The following TMTC2 variants were observed in gnomAD, a reference collection of about 807,000 sequenced individuals.
TMTC2 encodes the protein protein O-mannosyl-transferase TMTC2.
A neutral mutation model predicts 82.4 loss-of-function variants in TMTC2; 43 were observed. The observed-to-expected ratio is 0.52, with a 90% CI of 0.41 to 0.67. The LOEUF (loss-of-function observed/expected upper bound fraction) is 0.67. Ranked by LOEUF, TMTC2 falls within the 30% of genes least tolerant of loss-of-function variation. The pLI is 0.00. For missense variants in TMTC2, 919 were observed against 1,012.4 expected, an observed-to-expected ratio of 0.91 and a Z score of 1.25; for synonymous variants, 408 against 381.9, an observed-to-expected ratio of 1.07 and a Z score of -0.80.
intron 1 of TMTC2, among the ~76,000 whole-genome samples, chr12:82,704,661 AT>A (rs1032711026): frequency 2.0e-5 from 3 of 150,306 alleles, no homozygotes; most frequent in East Asian, 2.0e-4. Flanking sequence ...GTAAAATAGT[AT>A]TTTTTTTTGT....
chr12:83,089,809 T>C (rs1312662312), intron 11 of TMTC2, among the ~76,000 whole-genome samples: 11 of 151,508 alleles, frequency 7.3e-5, no homozygotes, highest in African/African-American at 2.2e-4. Flanking sequence ...GTCATGTACA[T>C]TGGCTTGATA....
chr12:82,978,219 C>A (rs764042955), intron 7 of TMTC2, among the ~76,000 whole-genome samples: 25 of 151,490 alleles, frequency 1.7e-4, no homozygotes, highest in Admixed American at 1.1e-3. Context: ...AAGAATGAGG[C>A]AGGATATTTT....
At chr12:82,690,383 G>A (rs1271519938) in intron 1 of TMTC2, 1 of 985,286 alleles carries the variant, frequency 1.0e-6, no homozygotes, top group African/African-American at 1.7e-5. Context: ...CAAGGGAGAT[G>A]GCTGTTATTC....
chr12:82,912,197 A>C (rs1874708699), intron 3 of TMTC2, among the ~76,000 whole-genome samples: 4 of 152,208 alleles, frequency 2.6e-5, no homozygotes, highest in Non-Finnish European at 5.9e-5. Flanking sequence ...AGACATTTTA[A>C]GTGTAGAAAG....
chr12:82,848,067 G>A (rs1870786880), intron 1 of TMTC2, among the ~76,000 whole-genome samples: 1 of 152,102 alleles, frequency 6.6e-6, no homozygotes, highest in South Asian at 2.1e-4. Flanking sequence ...TTGGGGAGAT[G>A]AAGTTTCAAG....
intron 8 of TMTC2, among the ~76,000 whole-genome samples, chr12:83,004,985 C>G (rs71450916): frequency 6.8e-6 from 1 of 146,202 alleles, no homozygotes; most frequent in Non-Finnish European, 1.5e-5. Context: ...AACACTGTCT[C>G]TACTAAAAAT....
chr12:82,818,999 G>A (rs1868916709), intron 1 of TMTC2, among the ~76,000 whole-genome samples: 1 of 151,910 alleles, frequency 6.6e-6, no homozygotes, highest in South Asian at 2.1e-4. Context: ...TACATTTACA[G>A]TAGGTACAAA....
intron 4 of TMTC2, among the ~76,000 whole-genome samples, chr12:82,954,832 G>T (rs1877530958): frequency 6.6e-6 from 1 of 151,988 alleles, no homozygotes; most frequent in Admixed American, 6.5e-5. Flanking sequence ...CTGACAATTT[G>T]GTCAGATGTA....
Position 82,765,751 on chromosome 12 carries a change from ATAT to A in TMTC2, c.83+78084_83+78086del, listed in dbSNP as rs1354616276. Among the ~76,000 whole-genome samples the A allele has an allele frequency of 2.0e-5, 3 of 152,196 alleles. No homozygotes were observed. In the East Asian group the frequency reaches 5.8e-4, roughly 29 times the overall value. On this transcript the variant is annotated intron_variant, in intron 1 of 11. Coordinates refer to ENST00000321196, the MANE Select transcript of TMTC2 (RefSeq NM_152588.3). ...AAGAAAAAACAGGTACCTTGCTATC[ATAT>A]TCATCATTCTCTCACCCAGTCATAT...
chr12:83,091,265 A>T (rs955411371), intron 11 of TMTC2, among the ~76,000 whole-genome samples: 6 of 152,148 alleles, frequency 3.9e-5, no homozygotes, highest in African/African-American at 1.2e-4. Flanking sequence ...CTTACCCAAG[A>T]TATTATCACC....
intron 1 of TMTC2, among the ~76,000 whole-genome samples, chr12:82,855,384 AT>A (rs1284577937): frequency 7.2e-5 from 11 of 152,290 alleles, no homozygotes; most frequent in African/African-American, 2.6e-4. Context: ...TCATGTGGAA[AT>A]TTCTCTGATC....
In TMTC2 at chr12:82,845,252, A is replaced by AATATATATAT. The variant is rs1555190263; in HGVS notation, c.84-11745_84-11736dup. On this transcript the variant is annotated intron_variant, in intron 1 of 11. Transcript: ENST00000321196. Reference sequence around the variant, plus strand: ...AAAAAAAAAAAAAAAAAAAAAAAAAAATATATATATATATATATATATTGA... The same window carrying AATATATATAT: ...AAAAAAAAAAAAAAAAAAAAAAAAAAATATATATATATATATATATATATATATATATTGA... Among the ~76,000 whole-genome samples the AATATATATAT allele has an allele frequency of 3.6e-3, 140 of 38,802 alleles. 6 individuals carry two copies. The highest frequency in any genetic ancestry group is 0.015 in the Middle Eastern group (1 of 68). 25.5% of individuals were successfully genotyped at this position (38,802 alleles called of 152,430 possible).
In TMTC2 at chr12:82,690,335, A is replaced by T. The variant is rs148954607; in HGVS notation, c.83+2666A>T. On this transcript the variant is annotated intron_variant, in intron 1 of 11. Coordinates refer to ENST00000321196, the MANE Select transcript of TMTC2 (RefSeq NM_152588.3). ...GAACTTTTGTGAAATCCAGTTCTGT[A>T]AGGAGAGGCCAGTGCCAGAAGTGAA... 1.1e-4 allele frequency: 109 copies of T among 984,270 alleles called. 1 individual carries two copies. In the East Asian group the frequency reaches 9.2e-3, roughly 83 times the overall value. 61.0% of individuals were successfully genotyped at this position (984,270 alleles called of 1,614,324 possible). A position where few individuals can be genotyped will look rare whatever the true frequency, so the allele number is the denominator to read the frequency against.
rs193081100 is a variant in TMTC2, at chr12:82,873,653, A to G, written c.654+16073A>G. Among the ~76,000 whole-genome samples the G allele has an allele frequency of 5.1e-4, 78 of 152,116 alleles. No individual in the cohort carries two copies. The East Asian group carries it at 0.013, about 25-fold the overall frequency. On this transcript the variant is annotated intron_variant, in intron 2 of 11. Transcript: ENST00000321196. Reference sequence around the variant, plus strand: ...ATCTGGGTGCTTCTTTTTCTTTCCCATTTACTTGCCTAAGTGATGTTTTAC... The same window carrying G: ...ATCTGGGTGCTTCTTTTTCTTTCCCGTTTACTTGCCTAAGTGATGTTTTAC...
chr12:83,049,084 C>G (rs1400363110), intron 9 of TMTC2, among the ~76,000 whole-genome samples: 5 of 152,142 alleles, frequency 3.3e-5, no homozygotes, highest in African/African-American at 7.2e-5. Flanking sequence ...AAATAATGGG[C>G]TCTTTGGCCA....
intron 8 of TMTC2, among the ~76,000 whole-genome samples, chr12:83,008,960 T>A (rs539010862): frequency 6.6e-6 from 1 of 152,284 alleles, no homozygotes; most frequent in African/African-American, 2.4e-5. Context: ...GGCCAGCTGT[T>A]GTGGTGGTGA....
At chr12:83,091,870 C>T (rs1883858679) in intron 11 of TMTC2, among the ~76,000 whole-genome samples, 1 of 152,074 alleles carries the variant, frequency 6.6e-6, no homozygotes, top group Non-Finnish European at 1.5e-5. Flanking sequence ...CAGATGGAGT[C>T]CATATTGAGA....
At chr12:83,075,582 CACTT>C (rs1173344119) in intron 11 of TMTC2, among the ~76,000 whole-genome samples, 1 of 152,192 alleles carries the variant, frequency 6.6e-6, no homozygotes, top group East Asian at 1.9e-4. Context: ...GGTTTATTCA[CACTT>C]ACCCAAATTA....
At chr12:82,957,309 CAG>C (rs747229030) in intron 4 of TMTC2, among the ~76,000 whole-genome samples, 3 of 152,046 alleles carry the variant, frequency 2.0e-5, no homozygotes, top group Non-Finnish European at 4.4e-5. Flanking sequence ...GAAATTAAAA[CAG>C]AAATCAAAAT....
Sources: allele counts gnomAD v4.1 joint callset (sites outside exome capture counted in the v4.1 genomes callset), GRCh38; gene constraint gnomAD v4.1.1; transcripts MANE v1.5; gene names NCBI Gene and HGNC (gene_info 2026-07-23, HGNC 2026-07-21).